The following RORB variants were observed in gnomAD, a reference collection of about 807,000 sequenced individuals.
RORB encodes RAR related orphan receptor B, also known as nuclear receptor ROR-beta.
Under a neutral mutation model 59.1 loss-of-function variants are expected in RORB, and 6 were observed. That is an observed-to-expected ratio of 0.10 (90% CI 0.06 to 0.20). The LOEUF (loss-of-function observed/expected upper bound fraction) is 0.20. Ranked by LOEUF, RORB falls within the 10% of genes least tolerant of loss-of-function variation. The pLI, the probability that RORB is intolerant of heterozygous loss-of-function variation, is 1.00. For missense variants in RORB, 320 were observed against 560.5 expected (o/e 0.57, Z 4.33); for synonymous variants, 215 against 204.5 (o/e 1.05, Z -0.44).
chr9:74,671,952 C>A (rs1167672401), intron 9 of RORB, 51 bp downstream of exon 9: 3 of 995,054 alleles, frequency 3.0e-6, no homozygotes, highest in African/African-American at 1.6e-5. Context: ...GCACAGTGAG[C>A]AAAAAGGACT....
chr9:74,572,561 C>T (rs752656783), intron 1 of RORB, among the ~76,000 whole-genome samples: 1 of 151,986 alleles, frequency 6.6e-6, no homozygotes, highest in Non-Finnish European at 1.5e-5. Context: ...CTTTGAAGTG[C>T]GGGTCACAGG....
chr9:74,508,300 T>A (rs1825894825), intron 1 of RORB, among the ~76,000 whole-genome samples: 1 of 152,058 alleles, frequency 6.6e-6, no homozygotes, highest in South Asian at 2.1e-4. Flanking sequence ...TTTGCTTTGC[T>A]TACTAATATA....
At position 74,671,883 on chromosome 9, in the gene RORB, T is replaced by G; in HGVS notation, c.1206T>G (p.Asp402Glu). The G allele has an allele frequency of 6.2e-7, 1 of 1,607,188 alleles. No individual in the cohort carries two copies. The highest frequency in any genetic ancestry group is 1.3e-5 in the African/African-American group (1 of 74,734). The change falls in exon 9 of 10, where the codon GAT (aspartate) becomes GAG (glutamate). Residue 402 changes from aspartate (D) to glutamate (E), a missense_variant. This residue lies in a region of RORB where 109 missense variants were observed against 171.0 expected (regional missense o/e 0.64). Coordinates refer to ENST00000376896, the MANE Select transcript of RORB (RefSeq NM_006914.4). The stretch of plus-strand genomic sequence containing the variant: ...ATGTGATTCAGAAGAATCACCTGGA[T>G]GATGAGACCTTGGCAAAGGTAGGTC... The part of the protein sequence containing the change: ...LQHVIQKNHL[D>E]DETLAKLIAK...
intron 1 of RORB, among the ~76,000 whole-genome samples, chr9:74,620,225 T>C (rs1434337126): frequency 2.0e-5 from 3 of 152,158 alleles, no homozygotes; most frequent in Non-Finnish European, 1.5e-5. Context: ...TCAGAGCCTG[T>C]TATTGGTCTA....
intron 1 of RORB, among the ~76,000 whole-genome samples, chr9:74,515,554 C>T (rs554842326): frequency 6.6e-6 from 1 of 152,102 alleles, no homozygotes; most frequent in African/African-American, 2.4e-5. Context: ...TTACACATAA[C>T]TTTTGAAGAT....
At chr9:74,513,892 T>C (rs1316930209) in intron 1 of RORB, among the ~76,000 whole-genome samples, 2 of 152,108 alleles carry the variant, frequency 1.3e-5, no homozygotes, top group Admixed American at 6.6e-5. Flanking sequence ...GTATATACTA[T>C]GTAATCTACT....
intron 4 of RORB, among the ~76,000 whole-genome samples, chr9:74,643,439 A>T (rs1056252842): frequency 6.6e-6 from 1 of 152,236 alleles, no homozygotes; most frequent in Non-Finnish European, 1.5e-5. Context: ...GCATGATTGC[A>T]TCAGAAAGCT....
chr9:74,579,313 C>T (rs1822684705), intron 1 of RORB, among the ~76,000 whole-genome samples: 1 of 152,102 alleles, frequency 6.6e-6, no homozygotes, highest in Admixed American at 6.6e-5. Flanking sequence ...TAATTAAACA[C>T]ATTAATTAAT....
intron 1 of RORB, among the ~76,000 whole-genome samples, chr9:74,625,794 G>T (rs1422754264): frequency 6.6e-6 from 1 of 152,150 alleles, no homozygotes; most frequent in Non-Finnish European, 1.5e-5. Context: ...AAAATGCCCA[G>T]AATATAGGAA....
rs1824735628 is a variant in RORB, at chr9:74,691,228, A to G, written c.*5610A>G. On this transcript the variant is annotated 3_prime_UTR_variant, in exon 10 of 10. Coordinates refer to ENST00000376896, the MANE Select transcript of RORB (RefSeq NM_006914.4). ...AGCTCAGTGATTGTTCTCATGGCCA[A>G]AAATAAAGCACAAGGGTTACCGGAA... 6.6e-6 allele frequency: 1 copy of G among 152,250 alleles called. No individual in the cohort carries two copies. Among genetic ancestry groups the G allele is most frequent in the Non-Finnish European group, 1.5e-5 (1 of 68,072 alleles). The allele number at this position is 152,250 out of a possible 1,614,324, so 9.4% of individuals were successfully genotyped here.
intron 1 of RORB, among the ~76,000 whole-genome samples, chr9:74,567,727 C>G (rs945073646): frequency 6.6e-6 from 1 of 152,144 alleles, no homozygotes; most frequent in African/African-American, 2.4e-5. Context: ...GAAAATGGTA[C>G]CACTTATGAA....
chr9:74,615,145 T>C (rs1823291508), intron 1 of RORB, among the ~76,000 whole-genome samples: 1 of 152,236 alleles, frequency 6.6e-6, no homozygotes, highest in East Asian at 1.9e-4. Context: ...TCATCCAAAA[T>C]AATTTGAGAC....
At chr9:74,534,438 T>C (rs1826291637) in intron 1 of RORB, among the ~76,000 whole-genome samples, 1 of 152,054 alleles carries the variant, frequency 6.6e-6, no homozygotes, top group Non-Finnish European at 1.5e-5. Flanking sequence ...AATGAGTGCG[T>C]TGTCTTTAGC....
In RORB at chr9:74,497,795, AGCGG is replaced by A; in HGVS notation, c.-181_-178del. ...CCACCAACATCAAAACTGTTAACAT[AGCGG>A]CGGCGGCGGCAAACGTCACCCTGCA... is the stretch of plus-strand genomic sequence containing the variant. On this transcript the variant is annotated 5_prime_UTR_variant, in exon 1 of 10. Coordinates refer to ENST00000376896, the MANE Select transcript of RORB (RefSeq NM_006914.4). 1.6e-6 allele frequency: 1 copy of A among 620,318 alleles called. No individual in the cohort carries two copies. Among genetic ancestry groups the A allele is most frequent in the Non-Finnish European group, 2.9e-6 (1 of 345,952 alleles). The allele number at this position is 620,318 out of a possible 1,614,324, so 38.4% of individuals were successfully genotyped here.
At chr9:74,507,735 G>A (rs1225584802) in intron 1 of RORB, among the ~76,000 whole-genome samples, 1 of 152,030 alleles carries the variant, frequency 6.6e-6, no homozygotes, top group African/African-American at 2.4e-5. Context: ...ATCATTGCCA[G>A]GACAAATAAT....
intron 6 of RORB, among the ~76,000 whole-genome samples, chr9:74,664,140 T>C (rs546734918): frequency 2.0e-4 from 30 of 152,310 alleles, no homozygotes; most frequent in African/African-American, 6.0e-4. Context: ...ACTCTCTAGA[T>C]AGCAGTTTCC....
chr9:74,513,774 C>A (rs1304386210), intron 1 of RORB, among the ~76,000 whole-genome samples: 1 of 152,012 alleles, frequency 6.6e-6, no homozygotes, highest in African/African-American at 2.4e-5. Context: ...GCTATTAAAA[C>A]ATTTTGAGAT....
intron 4 of RORB, among the ~76,000 whole-genome samples, chr9:74,653,690 T>C (rs1231886643): frequency 6.6e-6 from 1 of 152,144 alleles, no homozygotes; most frequent in Non-Finnish European, 1.5e-5. Flanking sequence ...AAGCAGCAGT[T>C]TTTAAAGATA....
chr9:74,532,716 ATG>A (rs1490990566), intron 1 of RORB, among the ~76,000 whole-genome samples: 3 of 150,130 alleles, frequency 2.0e-5, no homozygotes, highest in Non-Finnish European at 4.4e-5. Context: ...TTATACATAT[ATG>A]TGTGTTACAT....
Sources: allele counts gnomAD v4.1 joint callset (sites outside exome capture counted in the v4.1 genomes callset), GRCh38; gene constraint gnomAD v4.1.1; regional missense constraint gnomAD v4.1.1; transcripts MANE v1.5; gene names NCBI Gene and HGNC (gene_info 2026-07-23, HGNC 2026-07-21).